Variants in CFAP77 observed in about 807,000 individuals in gnomAD.
CFAP77 encodes the protein cilia and flagella associated protein 77.
A neutral mutation model predicts 31.1 loss-of-function variants in CFAP77; 25 were observed. The ratio of observed to expected loss-of-function variants is 0.80; its 90% CI spans 0.59 to 1.12. The LOEUF (loss-of-function observed/expected upper bound fraction) is 1.12. Ranked by LOEUF, CFAP77 falls within the 50% of genes most tolerant of loss-of-function variation. CFAP77 has a pLI of 0.00. For synonymous variants in CFAP77, 151 were observed against 159.9 expected (o/e 0.94, Z 0.42); for missense variants, 377 against 397.3 (o/e 0.95, Z 0.44).
At chr9:132,450,983 G>A (rs1177967820) in intron 1 of CFAP77, among the ~76,000 whole-genome samples, 1 of 152,152 alleles carries the variant, frequency 6.6e-6, no homozygotes, top group Non-Finnish European at 1.5e-5. Context: ...TTTGGCTTGA[G>A]CAATGGCAGT....
chr9:132,477,077 T>C (rs1311142507), intron 1 of CFAP77, among the ~76,000 whole-genome samples: 2 of 152,198 alleles, frequency 1.3e-5, no homozygotes, highest in Non-Finnish European at 2.9e-5. Flanking sequence ...TCTGCCTGTG[T>C]GTCTCGTGCC....
chr9:132,508,221 G>A (rs1851970136), intron 3 of CFAP77, among the ~76,000 whole-genome samples: 1 of 152,174 alleles, frequency 6.6e-6, no homozygotes, highest in Non-Finnish European at 1.5e-5. Context: ...CCGCGCCGCC[G>A]ACTGATGTCA....
intron 1 of CFAP77, among the ~76,000 whole-genome samples, chr9:132,414,539 A>G (rs1850064534): frequency 2.0e-5 from 3 of 146,822 alleles, no homozygotes; most frequent in African/African-American, 7.5e-5. Context: ...ACACACACAC[A>G]CGCAGGTATG....
At chr9:132,430,275 C>T (rs1262370072) in intron 1 of CFAP77, among the ~76,000 whole-genome samples, 2 of 152,026 alleles carry the variant, frequency 1.3e-5, no homozygotes, top group African/African-American at 2.4e-5. Context: ...TCTGTCCTTT[C>T]GTGGCATTTG....
intron 1 of CFAP77, among the ~76,000 whole-genome samples, chr9:132,491,463 A>G (rs1197396797): frequency 6.6e-6 from 1 of 152,218 alleles, no homozygotes; most frequent in African/African-American, 2.4e-5. Context: ...GCGAAACTCC[A>G]TCTCAAAATC....
intron 1 of CFAP77, among the ~76,000 whole-genome samples, chr9:132,461,927 C>T (rs1851058283): frequency 6.6e-6 from 1 of 152,198 alleles, no homozygotes; most frequent in Non-Finnish European, 1.5e-5. Flanking sequence ...GGGTCCTTTC[C>T]AGTTTTCTCT....
chr9:132,410,495 G>T, intron 1 of CFAP77, 29 bp downstream of exon 1: 1 of 1,519,566 alleles, frequency 6.6e-7, no homozygotes, highest in Non-Finnish European at 8.8e-7. Flanking sequence ...CCGCGCTTTC[G>T]CTGTCGCCGG....
chr9:132,429,839 A>G (rs1268676903), intron 1 of CFAP77, among the ~76,000 whole-genome samples: 2 of 152,110 alleles, frequency 1.3e-5, no homozygotes, highest in Non-Finnish European at 2.9e-5. Context: ...CGACAGAGTG[A>G]GACTCTGTCT....
At chr9:132,464,362 A>T (rs973925516) in intron 1 of CFAP77, among the ~76,000 whole-genome samples, 1 of 148,476 alleles carries the variant, frequency 6.7e-6, no homozygotes, top group Non-Finnish European at 1.5e-5. Context: ...ACCCCAATTT[A>T]AAAAAAAAAC....
At chr9:132,474,432 T>C (rs1362988407) in intron 1 of CFAP77, among the ~76,000 whole-genome samples, 1 of 152,146 alleles carries the variant, frequency 6.6e-6, no homozygotes, top group Non-Finnish European at 1.5e-5. Flanking sequence ...TCAAGTGAAA[T>C]GGGATAAATG....
chr9:132,513,387 A>T, intron 3 of CFAP77: 1 of 1,520,766 alleles, frequency 6.6e-7, no homozygotes, highest in Middle Eastern at 1.7e-4. Context: ...TATTGAAGAA[A>T]TAAAACGTGT....
chr9:132,485,720 C>T (rs1465245369), intron 1 of CFAP77, among the ~76,000 whole-genome samples: 1 of 151,994 alleles, frequency 6.6e-6, no homozygotes, highest in Non-Finnish European at 1.5e-5. Context: ...TGATTGCACT[C>T]CATCGCGGCG....
intron 1 of CFAP77, among the ~76,000 whole-genome samples, chr9:132,471,727 G>T (rs1367065206): frequency 1.3e-5 from 2 of 151,518 alleles, no homozygotes; most frequent in African/African-American, 4.9e-5. Context: ...TTGAGACAGG[G>T]TCTCACTCTG....
intron 1 of CFAP77, among the ~76,000 whole-genome samples, chr9:132,426,562 C>T: frequency 6.6e-6 from 1 of 150,782 alleles, no homozygotes; most frequent in South Asian, 2.1e-4. Flanking sequence ...TGCTTCAGAC[C>T]CTTTAAACTG....
intron 1 of CFAP77, among the ~76,000 whole-genome samples, chr9:132,471,446 C>T (rs1418573933): frequency 6.6e-6 from 1 of 151,772 alleles, no homozygotes. Flanking sequence ...TTTAAGGACC[C>T]CCCCCCACCG....
At chr9:132,521,766 T>TA (rs2119019737) in intron 3 of CFAP77, among the ~76,000 whole-genome samples, 1 of 104,792 alleles carries the variant, frequency 9.5e-6, no homozygotes, top group East Asian at 4.6e-4. Context: ...GACTTGCTTT[T>TA]TTTTTTTTTT....
At chr9:132,475,822 C>T (rs867805705) in intron 1 of CFAP77, among the ~76,000 whole-genome samples, 69 of 152,324 alleles carry the variant, frequency 4.5e-4, no homozygotes, top group Middle Eastern at 3.4e-3. Flanking sequence ...ATCCTGTGCG[C>T]ACTGGTAGTA....
At chr9:132,537,845 C>T in intron 4 of CFAP77, 139 bp downstream of exon 4, 1 of 654,140 alleles carries the variant, frequency 1.5e-6, no homozygotes, top group Non-Finnish European at 2.7e-6. Context: ...CATCTTCTGC[C>T]CAGCATCAGA....
At chr9:132,437,699 G>T in intron 1 of CFAP77, among the ~76,000 whole-genome samples, 1 of 151,086 alleles carries the variant, frequency 6.6e-6, no homozygotes, top group East Asian at 2.0e-4. Flanking sequence ...TTTTAGTAGA[G>T]ACAGGGTTTC....
Sources: gnomAD v4.1 joint callset for allele counts (sites outside exome capture counted in the v4.1 genomes callset) on GRCh38, gnomAD v4.1.1 for gene constraint, MANE v1.5 for transcripts, NCBI Gene and HGNC (gene_info 2026-07-23, HGNC 2026-07-21) for gene names.